PISD: variants seen among roughly 807,000 people sequenced by gnomAD.
PISD encodes phosphatidylserine decarboxylase proenzyme, mitochondrial.
In PISD, 31 loss-of-function variants were observed where a neutral mutation model predicts 43.5. That is an observed-to-expected ratio of 0.71 (90% CI 0.54 to 0.96). The LOEUF is 0.96. Among genes scored for constraint, PISD ranks in the 40% least tolerant of loss-of-function variants. The pLI is 0.00. For missense variants in PISD, 523 were observed against 548.4 expected, an observed-to-expected ratio of 0.95 and a Z score of 0.46; for synonymous variants, 259 against 228.7, an observed-to-expected ratio of 1.13 and a Z score of -1.20.
intron 3 of PISD, 124 bp from the exon 4 acceptor site, chr22:31,622,009 C>T: frequency 1.4e-6 from 1 of 713,920 alleles, no homozygotes; most frequent in Non-Finnish European, 2.4e-6. Context: ...GACACCAGGG[C>T]CCAGGTGCCC....
chr22:31,656,111 T>C (rs926684666), intron 1 of PISD, among the ~76,000 whole-genome samples: 36 of 152,002 alleles, frequency 2.4e-4, no homozygotes, highest in Non-Finnish European at 4.4e-5. Flanking sequence ...CTCGCCAATA[T>C]GGTAAAACCC....
At chr22:31,648,467 G>A (rs939428336) in intron 2 of PISD, among the ~76,000 whole-genome samples, 191 bp from the exon 3 acceptor site, 5 of 151,986 alleles carry the variant, frequency 3.3e-5, no homozygotes, top group African/African-American at 1.2e-4. Flanking sequence ...CACGAGGTCA[G>A]GAGATCGAGA....
intron 1 of PISD, among the ~76,000 whole-genome samples, chr22:31,656,114 T>C (rs1182089709): frequency 6.6e-6 from 1 of 151,738 alleles, no homozygotes; most frequent in Non-Finnish European, 1.5e-5. Context: ...GCCAATATGG[T>C]AAAACCCCGT....
chr22:31,648,616 G>A (rs548218765), intron 2 of PISD, among the ~76,000 whole-genome samples: 4 of 150,518 alleles, frequency 2.7e-5, no homozygotes, highest in South Asian at 2.1e-4. Flanking sequence ...GCAGTGAGCC[G>A]AGACTGCACC....
chr22:31,626,447 C>T (rs1472296164), intron 3 of PISD, among the ~76,000 whole-genome samples: 4 of 152,342 alleles, frequency 2.6e-5, no homozygotes, highest in East Asian at 3.9e-4. Flanking sequence ...ATGAGATGAG[C>T]GGGAAGCCAC....
intron 1 of PISD, among the ~76,000 whole-genome samples, chr22:31,658,861 T>C (rs894549857): frequency 2.2e-5 from 3 of 135,188 alleles, no homozygotes; most frequent in South Asian, 2.2e-4. Context: ...TTTTCTTTTT[T>C]TTTTTTTTTT....
At position 31,619,415 on chromosome 22, in the gene PISD, C is replaced by T; in HGVS notation, c.*197G>A. 1.5e-6 allele frequency: 1 copy of T among 676,814 alleles called. No individual in the cohort carries two copies. Among genetic ancestry groups the T allele is most frequent in the Non-Finnish European group, 2.7e-6 (1 of 369,502 alleles). 41.9% of individuals were successfully genotyped at this position (676,814 alleles called of 1,614,324 possible). A position where few individuals can be genotyped will look rare whatever the true frequency, so the allele number is the denominator to read the frequency against. On this transcript the variant is annotated 3_prime_UTR_variant, in exon 8 of 8. Coordinates refer to ENST00000439502, the MANE Select transcript of PISD (RefSeq NM_001326411.2). ...AGAAGGAACGGGATAGGTTGAGGGGCATGATGGGGGCTCTCGCCACCTCTT... is the reference window on the plus strand; with the variant it reads ...AGAAGGAACGGGATAGGTTGAGGGGTATGATGGGGGCTCTCGCCACCTCTT...
chr22:31,662,182 A>G lies in PISD; in HGVS notation c.27T>C (p.Cys9=). 6.2e-7 allele frequency: 1 copy of G among 1,605,902 alleles called. No individual in the cohort carries two copies. Among genetic ancestry groups the G allele is most frequent in the African/African-American group, 1.3e-5 (1 of 75,032 alleles). Residue 9 remains cysteine (C), a synonymous_variant, in exon 1 of 8, where the codon TGT becomes TGC. Coordinates refer to ENST00000439502, the MANE Select transcript of PISD (RefSeq NM_001326411.2). MATSVGHR[C]LGLLHGVAPW... is the part of the protein sequence containing the mutation. ...GCGCGACCCCGTGCAGTAATCCCAGACATCGGTGCCCCACGGACGTCGCCA... is the reference window on the plus strand; with the variant it reads ...GCGCGACCCCGTGCAGTAATCCCAGGCATCGGTGCCCCACGGACGTCGCCA...
chr22:31,662,201 G>A lies in PISD; in HGVS notation c.8C>T (p.Thr3Met), dbSNP rs774021378. 2 of 1,604,220 alleles carry A rather than the reference G, an allele frequency of 1.2e-6. No homozygotes were observed. Among genetic ancestry groups the A allele is most frequent in the Admixed American group, 1.7e-5 (1 of 60,010 alleles). The part of the protein sequence containing the change: MA[T>M]SVGHRCLGLL... ...TCCCAGACATCGGTGCCCCACGGACGTCGCCATCTTGTCTGCTCCTTCTCA... is the reference window on the plus strand; with the variant it reads ...TCCCAGACATCGGTGCCCCACGGACATCGCCATCTTGTCTGCTCCTTCTCA... The change falls in exon 1 of 8, where the codon ACG becomes ATG. Residue 3 changes from threonine (T) to methionine (M), a missense_variant. Coordinates refer to ENST00000439502, the MANE Select transcript of PISD (RefSeq NM_001326411.2).
intron 1 of PISD, among the ~76,000 whole-genome samples, chr22:31,659,869 A>T (rs1387114488): frequency 2.0e-5 from 3 of 151,908 alleles, no homozygotes; most frequent in Non-Finnish European, 4.4e-5. Context: ...GGCATGCGCC[A>T]CCGTGCCCGG....
intron 3 of PISD, among the ~76,000 whole-genome samples, chr22:31,639,516 C>T (rs2073625801): frequency 6.6e-6 from 1 of 152,148 alleles, no homozygotes; most frequent in African/African-American, 2.4e-5. Flanking sequence ...GCATGAGCCA[C>T]CATGCCTAGC....
chr22:31,638,970 T>C (rs1402324313), intron 3 of PISD, among the ~76,000 whole-genome samples: 1 of 151,764 alleles, frequency 6.6e-6, no homozygotes, highest in Non-Finnish European at 1.5e-5. Flanking sequence ...CCAGACTGGA[T>C]GACAGAGTGA....
In PISD at chr22:31,653,348, T is replaced by C. The variant is rs114741311; in HGVS notation, c.66-2570A>G. Among the ~76,000 whole-genome samples the C allele has an allele frequency of 4.9e-3, 750 of 152,308 alleles. 5 individuals are homozygous for C. The highest frequency in any genetic ancestry group is 0.017 in the African/African-American group (712 of 41,572). On this transcript the variant is annotated intron_variant, in intron 1 of 7. Coordinates refer to ENST00000439502, the MANE Select transcript of PISD (RefSeq NM_001326411.2). Reference sequence around the variant, plus strand: ...AAAAACGGACTGAAGGATAAATTGTTGTGTTCTGTACATTGCCGCATTGTG... The same window carrying C: ...AAAAACGGACTGAAGGATAAATTGTCGTGTTCTGTACATTGCCGCATTGTG...
Position 31,620,672 on chromosome 22 carries a change from T to G in PISD, c.886A>C (p.Lys296Gln). 1 of 1,614,208 alleles carries G rather than the reference T, an allele frequency of 6.2e-7. No homozygotes were observed. Among genetic ancestry groups the G allele is most frequent in the Non-Finnish European group, 8.5e-7 (1 of 1,180,030 alleles). The part of the protein sequence containing the change: ...SVNPGMARWI[K>Q]ELFCHNERVV... The stretch of plus-strand genomic sequence containing the variant: ...CGCTCGTTATGGCAGAAGAGCTCTT[T>G]GATCCAGCGAGCCATGCCAGGGTTC... The change falls in exon 7 of 8, where the codon AAA (lysine) becomes CAA (glutamine). Residue 296 changes from lysine (K) to glutamine (Q), a missense_variant. Transcript: ENST00000439502.
chr22:31,621,495 C>T (rs2072569928), intron 4 of PISD, 23 bp from the exon 5 acceptor site: 2 of 1,613,620 alleles, frequency 1.2e-6, no homozygotes, highest in African/African-American at 2.7e-5. Flanking sequence ...GAGAGGCTTG[C>T]TGCCAGGGAG....
At chr22:31,655,104 G>A (rs545569968) in intron 1 of PISD, among the ~76,000 whole-genome samples, 4 of 145,856 alleles carry the variant, frequency 2.7e-5, no homozygotes, top group South Asian at 4.4e-4. Flanking sequence ...AAAAAAAGAC[G>A]GCAGGAGACT....
intron 3 of PISD, chr22:31,629,764 TG>T (rs1259509823): frequency 6.6e-6 from 1 of 152,208 alleles, no homozygotes; most frequent in Non-Finnish European, 1.5e-5. Flanking sequence ...GTGAGGGATA[TG>T]GCACTGTCAC....
intron 3 of PISD, among the ~76,000 whole-genome samples, chr22:31,646,665 A>G (rs987125370): frequency 6.6e-6 from 1 of 152,140 alleles, no homozygotes; most frequent in Non-Finnish European, 1.5e-5. Context: ...CTTGGGTTTA[A>G]CACTTGAGGG....
chr22:31,653,022 G>A (rs2074071192), intron 1 of PISD, among the ~76,000 whole-genome samples: 1 of 140,190 alleles, frequency 7.1e-6, no homozygotes, highest in Non-Finnish European at 1.5e-5. Flanking sequence ...CTGGGTGACA[G>A]AGTAGGACCC....
Sources: allele counts gnomAD v4.1 joint callset (sites outside exome capture counted in the v4.1 genomes callset), GRCh38; gene constraint gnomAD v4.1.1; transcripts MANE v1.5; gene names NCBI Gene and HGNC (gene_info 2026-07-23, HGNC 2026-07-21).